Variants in CEACAM1 observed in about 807,000 individuals in gnomAD.
CEACAM1 encodes the protein CEA cell adhesion molecule 1.
In CEACAM1, 31 loss-of-function variants were observed where a neutral mutation model predicts 49.1. The ratio of observed to expected loss-of-function variants is 0.63; its 90% CI spans 0.47 to 0.85. The LOEUF is 0.85. Ranked by LOEUF, CEACAM1 falls within the 40% of genes least tolerant of loss-of-function variation. The probability of loss-of-function intolerance (pLI) is 0.00; values close to 1 mark genes in which losing one functional copy is unlikely to be tolerated. For missense variants in CEACAM1, 570 were observed against 645.3 expected (o/e 0.88, Z 1.26); for synonymous variants, 244 against 247.8 (o/e 0.98, Z 0.14).
intron 5 of CEACAM1, chr19:42,515,049 G>T: frequency 1.5e-6 from 1 of 674,196 alleles, no homozygotes; most frequent in Non-Finnish European, 2.7e-6. Flanking sequence ...TGGGAGGATT[G>T]CTTGAGCCCA....
intron 8 of CEACAM1, among the ~76,000 whole-genome samples, chr19:42,510,147 G>A (rs1045410771): frequency 1.3e-5 from 2 of 151,948 alleles, no homozygotes; most frequent in Non-Finnish European, 2.9e-5. Context: ...GCGCAATGGC[G>A]CAATCTTGGC....
At chr19:42,511,352 T>C in intron 7 of CEACAM1, 1 of 597,164 alleles carries the variant, frequency 1.7e-6, no homozygotes, top group South Asian at 2.0e-5. Context: ...TCCTCAGGCC[T>C]GCCTGGCCTA....
Position 42,527,341 on chromosome 19 carries a change from G to A in CEACAM1, c.124C>T (p.Pro42Ser). ...TCCTTCCCCTCTGCAACATTGAATG[G>A]CATGGATTCAGTAGTGAGCTGGGCA... ...TTAQLTTESM[P>S]FNVAEGKEVL... Residue 42 changes from proline to serine, a missense_variant, in exon 2 of 9, where the codon CCA becomes TCA. Physicochemically the swap from Pro to Ser is moderately conservative, Grantham distance 74. Transcript: ENST00000161559. 2 of 1,613,520 alleles carry A rather than the reference G, an allele frequency of 1.2e-6. No homozygotes were observed. The highest frequency in any genetic ancestry group is 1.7e-6 in the Non-Finnish European group (2 of 1,179,664).
intron 5 of CEACAM1, among the ~76,000 whole-genome samples, chr19:42,512,917 C>T (rs772893897): frequency 1.3e-5 from 2 of 152,086 alleles, no homozygotes; most frequent in African/African-American, 2.4e-5. Flanking sequence ...CCGCCTGCCT[C>T]GGCCTCCCAA....
intron 4 of CEACAM1, 37 bp downstream of exon 4, chr19:42,521,230 C>A (rs766467980): frequency 1.7e-5 from 27 of 1,606,468 alleles, no homozygotes; most frequent in Non-Finnish European, 2.3e-5. Flanking sequence ...AAGCTTGTAC[C>A]CCAGATCTTA....
At chr19:42,511,132 A>C (rs1263860934) in intron 7 of CEACAM1, 1 of 599,596 alleles carries the variant, frequency 1.7e-6, no homozygotes, top group African/African-American at 1.8e-5. Flanking sequence ...ACTTGTGAAG[A>C]GTTCTACCAG....
intron 5 of CEACAM1, among the ~76,000 whole-genome samples, chr19:42,513,908 A>G (rs2041527577): frequency 7.5e-6 from 1 of 132,942 alleles, no homozygotes; most frequent in African/African-American, 3.2e-5. Context: ...ATATATATAT[A>G]TATATATATA....
rs2041365267 is a variant in CEACAM1, at chr19:42,507,564, C to T, written c.*1545G>A. On this transcript the variant is annotated 3_prime_UTR_variant, in exon 9 of 9. Transcript: ENST00000161559. ...ATATAGAATAAAACCTTTCTCTTAG[C>T]CCCAAAGAGATTCCATCTGTGTAGA... 1 of 152,182 alleles carries T rather than the reference C, an allele frequency of 6.6e-6. No individual in the cohort carries two copies. Among genetic ancestry groups the T allele is most frequent in the Admixed American group, 6.5e-5 (1 of 15,274 alleles). The allele number at this position is 152,182 out of a possible 1,614,324, so 9.4% of individuals were successfully genotyped here. A position where few individuals can be genotyped will look rare whatever the true frequency, so the allele number is the denominator to read the frequency against.
chr19:42,527,504 AGTGTGTGTGTGTGT>A (rs3038002), intron 1 of CEACAM1, 104 bp from the exon 2 acceptor site: 304 of 715,624 alleles, frequency 4.2e-4, no homozygotes, highest in African/African-American at 1.5e-3. Context: ...TCCACCTTGG[AGTGTGTGTGTGTGT>A]GTGTGTGTGT....
intron 2 of CEACAM1, among the ~76,000 whole-genome samples, chr19:42,524,699 G>T (rs1314242277): frequency 3.3e-5 from 5 of 152,128 alleles, no homozygotes; most frequent in Admixed American, 1.3e-4. Context: ...GTTCAGCTGG[G>T]ATAAAAGGAG....
In CEACAM1 at chr19:42,509,098, G is replaced by A; in HGVS notation, c.*11C>T. On this transcript the variant is annotated 3_prime_UTR_variant, in exon 9 of 9. Coordinates refer to ENST00000161559, the MANE Select transcript of CEACAM1 (RefSeq NM_001712.5). Reference sequence around the variant, plus strand: ...AATACATCAGCACTGCAGTGAGCAGGACAGGTTTCATTACTGCTTTTTTAC... The same window carrying A: ...AATACATCAGCACTGCAGTGAGCAGAACAGGTTTCATTACTGCTTTTTTAC... 1 of 1,614,042 alleles carries A rather than the reference G, an allele frequency of 6.2e-7. No homozygotes were observed. The highest frequency in any genetic ancestry group is 8.5e-7 in the Non-Finnish European group (1 of 1,179,910).
chr19:42,523,481 T>C lies in CEACAM1; in HGVS notation c.425-1279A>G, dbSNP rs1461877039. 2.0e-5 allele frequency among the ~76,000 whole-genome samples: 3 copies of C among 152,302 alleles called. No homozygotes were observed. In the East Asian group the frequency reaches 5.8e-4, roughly 29 times the overall value. ...AAGAGTGAGGGTGACAGGCAGGGGC[T>C]GCCTGGATTTAACAGCATATCTACG... is the stretch of plus-strand genomic sequence containing the variant. On this transcript the variant is annotated intron_variant, in intron 2 of 8. Coordinates refer to ENST00000161559, the MANE Select transcript of CEACAM1 (RefSeq NM_001712.5).
At chr19:42,511,354 C>G (rs756825079) in intron 7 of CEACAM1, 15 of 596,582 alleles carry the variant, frequency 2.5e-5, no homozygotes, top group Non-Finnish European at 4.5e-5. Flanking sequence ...CTCAGGCCTG[C>G]CTGGCCTAGG....
chr19:42,510,431 CAG>C (rs2041430232), intron 8 of CEACAM1, among the ~76,000 whole-genome samples: 1 of 152,184 alleles, frequency 6.6e-6, no homozygotes, highest in Admixed American at 6.5e-5. Flanking sequence ...AACAGGATCT[CAG>C]ATCTATTAAA....
intron 5 of CEACAM1, among the ~76,000 whole-genome samples, chr19:42,515,681 C>T (rs906120561): frequency 2.6e-5 from 4 of 151,828 alleles, no homozygotes; most frequent in African/African-American, 9.7e-5. Flanking sequence ...AAAAGTTGTT[C>T]TTCAAAAAAG....
intron 2 of CEACAM1, among the ~76,000 whole-genome samples, chr19:42,524,421 G>T (rs1164604277): frequency 6.6e-6 from 1 of 152,206 alleles, no homozygotes; most frequent in Admixed American, 6.5e-5. Flanking sequence ...TTCTGCCTCT[G>T]ATCCCCTGGT....
intron 2 of CEACAM1, among the ~76,000 whole-genome samples, chr19:42,524,912 G>A (rs944150387): frequency 6.6e-6 from 1 of 152,186 alleles, no homozygotes; most frequent in Non-Finnish European, 1.5e-5. Context: ...TTTAGGGGTA[G>A]ATGGTCAGGG....
Position 42,521,981 on chromosome 19 carries a change from C to G in CEACAM1, c.646G>C (p.Glu216Gln). Residue 216 changes from glutamate (E) to glutamine (Q), a missense_variant, in exon 3 of 9, where the codon GAA becomes CAA. Coordinates refer to ENST00000161559, the MANE Select transcript of CEACAM1 (RefSeq NM_001712.5). Reference sequence around the variant, plus strand: ...TTCGCACTCACTGGGTTCTGTATTTCACACTCATAGGGTCCTGTGTCATTC... The same window carrying G: ...TTCGCACTCACTGGGTTCTGTATTTGACACTCATAGGGTCCTGTGTCATTC... ...TRNDTGPYEC[E>Q]IQNPVSANRS... The G allele has an allele frequency of 1.9e-6, 3 of 1,614,226 alleles. No homozygotes were observed. Among genetic ancestry groups the G allele is most frequent in the Non-Finnish European group, 2.5e-6 (3 of 1,180,044 alleles).
Position 42,527,225 on chromosome 19 carries a change from T to C in CEACAM1, c.240A>G (p.Val80=), listed in dbSNP as rs766860794. Residue 80 remains valine (V), a synonymous_variant, in exon 2 of 9, where the codon GTA becomes GTG. Coordinates refer to ENST00000161559, the MANE Select transcript of CEACAM1 (RefSeq NM_001712.5). ...CTTGTTGAGTTCCTATTGCATATCC[T>C]ACAATTTGACGGTTGCCATCCACTC... ...GERVDGNRQI[V]GYAIGTQQAT... The C allele has an allele frequency of 2.5e-6, 4 of 1,613,970 alleles. No homozygotes were observed. The highest frequency in any genetic ancestry group is 1.3e-5 in the African/African-American group (1 of 74,898).
Sources: allele counts gnomAD v4.1 joint callset (sites outside exome capture counted in the v4.1 genomes callset), GRCh38; gene constraint gnomAD v4.1.1; transcripts MANE v1.5; gene names NCBI Gene and HGNC (gene_info 2026-07-23, HGNC 2026-07-21).